Variants in SOD2 observed in about 807,000 individuals in gnomAD.
SOD2 encodes the protein superoxide dismutase 2, also known as superoxide dismutase [Mn], mitochondrial.
SOD2 carries 11 observed loss-of-function variants against 27.0 expected under a neutral mutation model. The observed-to-expected ratio is 0.41, with a 90% CI of 0.26 to 0.67. The LOEUF is 0.67. Among genes scored for constraint, SOD2 ranks in the 30% least tolerant of loss-of-function variants. The pLI, the probability that SOD2 is intolerant of heterozygous loss-of-function variation, is 0.34. For missense variants in SOD2, 250 were observed against 274.5 expected, an observed-to-expected ratio of 0.91 and a Z score of 0.63; for synonymous variants, 105 against 103.0, an observed-to-expected ratio of 1.02 and a Z score of -0.12.
rs542378071 is a variant in SOD2 at position 159,757,663 on chromosome 6, G to A, written c.-336+3374C>T. The stretch of plus-strand genomic sequence containing the variant: ...CCTGACCTTGTGATCCACCCACCTC[G>A]GCCTCCCAAAGTGCTGGGATTACAG... On this transcript the variant is annotated intron_variant, in intron 1 of 7. Transcript: ENST00000546087. 7.8e-4 allele frequency among the ~76,000 whole-genome samples: 118 copies of A among 151,974 alleles called. 1 individual carries two copies. The highest frequency in any genetic ancestry group is 5.0e-3 in the South Asian group (24 of 4,810).
chr6:159,745,237 T>C (rs1415226231), upstream of SOD2: 2 of 152,236 alleles, frequency 1.3e-5, no homozygotes, highest in Non-Finnish European at 2.9e-5. Context: ...GGATTCCTAC[T>C]CTTGACATCA....
chr6:159,727,189 A>C (rs1205276976), exon 1 of SOD2: 1 of 1,223,926 alleles, frequency 8.2e-7, no homozygotes, highest in Non-Finnish European at 1.0e-6. Context: ...AAGGACGGGG[A>C]GTGTTACCGG....
rs141490345 is a variant in SOD2 at position 159,710,270 on chromosome 6, C to CATATATATATATAT, written c.-116+16845_-116+16858dup. Among the ~76,000 whole-genome samples the CATATATATATATAT allele has an allele frequency of 6.7e-4, 96 of 143,482 alleles. 1 individual carries two copies. Among genetic ancestry groups the CATATATATATATAT allele is most frequent in the African/African-American group, 1.2e-3 (46 of 38,080 alleles). The allele number at this position is 143,482 out of a possible 152,430, so 94.1% of individuals were successfully genotyped here. A position where few individuals can be genotyped will look rare whatever the true frequency, so the allele number is the denominator to read the frequency against. ...TACCCTAGAACTTAAAGTATAAATA[C>CATATATATATATAT]ATATATATATATATATATAAAATAC... On this transcript the variant is annotated intron_variant, in intron 1 of 2. Coordinates refer to the SOD2 transcript ENST00000401980.
chr6:159,713,211 C>A, intron 1 of SOD2: 5 of 938,288 alleles, frequency 5.3e-6, no homozygotes, highest in Non-Finnish European at 6.6e-6. Context: ...TAATTGCGGT[C>A]TTTTCCAAAT....
At chr6:159,682,943 C>T (rs1184996167) in intron 4 of SOD2, among the ~76,000 whole-genome samples, 11 of 152,082 alleles carry the variant, frequency 7.2e-5, no homozygotes, top group Admixed American at 7.2e-4. Context: ...GAGCCAATTC[C>T]CAGCCTTCCT....
upstream of SOD2, among the ~76,000 whole-genome samples, chr6:159,693,931 C>T (rs1262232099): frequency 1.3e-5 from 2 of 152,258 alleles, no homozygotes; most frequent in East Asian, 3.9e-4. Context: ...TTCTTGGACA[C>T]CCACGACGTG....
intron 1 of SOD2, among the ~76,000 whole-genome samples, chr6:159,721,155 C>T (rs1583046988): frequency 1.3e-5 from 2 of 150,690 alleles, no homozygotes; most frequent in South Asian, 2.1e-4. Flanking sequence ...GCAAGCTCTG[C>T]CTCCTGGGTT....
At chr6:159,725,584 T>G (rs1778143266) in intron 1 of SOD2, 1 of 150,970 alleles carries the variant, frequency 6.6e-6, no homozygotes, top group South Asian at 2.1e-4. Context: ...AACCTTAGGA[T>G]TTACTTTGTT....
At chr6:159,754,135 G>C (rs1248885881) in intron 1 of SOD2, among the ~76,000 whole-genome samples, 1 of 152,136 alleles carries the variant, frequency 6.6e-6, no homozygotes, top group Non-Finnish European at 1.5e-5. Flanking sequence ...TCTCTTCTTT[G>C]TAAGGTGCAT....
chr6:159,717,221 CTTACT>C (rs1777936863), intron 1 of SOD2, among the ~76,000 whole-genome samples: 1 of 152,116 alleles, frequency 6.6e-6, no homozygotes, highest in African/African-American at 2.4e-5. Context: ...ACAGATGCTC[CTTACT>C]CCCACCAAGG....
intron 1 of SOD2, chr6:159,755,768 T>TAA: frequency 1.8e-6 from 1 of 561,248 alleles, no homozygotes; most frequent in Non-Finnish European, 2.3e-6. Context: ...TTCTTTTCTT[T>TAA]TTTTTTTTTT....
upstream of SOD2, among the ~76,000 whole-genome samples, chr6:159,728,425 CA>C (rs200581761): frequency 3.8e-5 from 5 of 132,002 alleles, no homozygotes; most frequent in Admixed American, 1.4e-4. Context: ...AAAAACAAAA[CA>C]AAACAAAAAA....
chr6:159,679,038 C>A lies in SOD2; in HGVS notation c.*3455G>T, dbSNP rs955434880. 1.3e-5 allele frequency: 2 copies of A among 152,188 alleles called. No homozygotes were observed. Among genetic ancestry groups the A allele is most frequent in the Non-Finnish European group, 2.9e-5 (2 of 68,042 alleles). 9.4% of individuals were successfully genotyped at this position (152,188 alleles called of 1,614,324 possible). ...ACTACCCATTATTTACTATTCCTTT[C>A]CCATGGAAACTCAGTGAAAATGACA... On this transcript the variant is annotated 3_prime_UTR_variant, in exon 5 of 5. Transcript: ENST00000538183.
At chr6:159,735,611 T>C (rs1407813206) in intron 1 of SOD2, among the ~76,000 whole-genome samples, 1 of 152,038 alleles carries the variant, frequency 6.6e-6, no homozygotes, top group Non-Finnish European at 1.5e-5. Flanking sequence ...GAGCCAGGTG[T>C]GGTGGCACGC....
At chr6:159,752,379 A>G (rs1335621364) in intron 1 of SOD2, among the ~76,000 whole-genome samples, 1 of 152,176 alleles carries the variant, frequency 6.6e-6, no homozygotes, top group Non-Finnish European at 1.5e-5. Flanking sequence ...ATAAATAATT[A>G]CAAGAACAAG....
intron 1 of SOD2, chr6:159,713,897 G>T: frequency 1.1e-6 from 1 of 941,806 alleles, no homozygotes; most frequent in Non-Finnish European, 1.7e-6. Flanking sequence ...TTTGCAATCA[G>T]AGAAGTGCAT....
chr6:159,727,165 C>T (rs1469806398), exon 1 of SOD2: 178 of 1,198,828 alleles, frequency 1.5e-4, no homozygotes, highest in Non-Finnish European at 1.8e-4. Flanking sequence ...GGAGCTCGCG[C>T]CAGGCTCCTG....
intron 1 of SOD2, among the ~76,000 whole-genome samples, chr6:159,722,826 A>T (rs553423257): frequency 1.3e-5 from 2 of 152,356 alleles, no homozygotes; most frequent in African/African-American, 2.4e-5. Flanking sequence ...GTAGGAAGTC[A>T]GACTGCTATC....
At chr6:159,755,363 A>C in intron 1 of SOD2, 1 of 1,614,262 alleles carries the variant, frequency 6.2e-7, no homozygotes, top group Non-Finnish European at 8.5e-7. Flanking sequence ...TAAGTCCTCC[A>C]ACAGCTCAGA....
Sources: gnomAD v4.1 joint callset for allele counts (sites outside exome capture counted in the v4.1 genomes callset) on GRCh38, gnomAD v4.1.1 for gene constraint, MANE v1.5 for transcripts, NCBI Gene and HGNC (gene_info 2026-07-23, HGNC 2026-07-21) for gene names.